Variants in KIF18A observed in about 807,000 individuals in gnomAD.
KIF18A encodes kinesin family member 18A.
In KIF18A, 67 loss-of-function variants were observed where a neutral mutation model predicts 103.3. That is an observed-to-expected ratio of 0.65 (90% CI 0.53 to 0.79). KIF18A has a LOEUF of 0.79. KIF18A is among the 30% of genes least tolerant of loss of function. The pLI, the probability that KIF18A is intolerant of heterozygous loss-of-function variation, is 0.00. For synonymous variants in KIF18A, 367 were observed against 355.5 expected, an observed-to-expected ratio of 1.03 and a Z score of -0.36; for missense variants, 1,032 against 1,062.5, an observed-to-expected ratio of 0.97 and a Z score of 0.40.
chr11:28,103,176 A>G (rs1851466555), intron 1 of KIF18A, among the ~76,000 whole-genome samples: 1 of 152,144 alleles, frequency 6.6e-6, no homozygotes, highest in Non-Finnish European at 1.5e-5. Flanking sequence ...ATTATTCATT[A>G]TAATCAGGTT....
intron 6 of KIF18A, among the ~76,000 whole-genome samples, chr11:28,087,491 T>G (rs914048488): frequency 6.6e-6 from 1 of 152,366 alleles, no homozygotes; most frequent in East Asian, 1.9e-4. Flanking sequence ...CTATCATTGA[T>G]GGGCATTTGG....
chr11:28,034,523 T>C (rs1850456216), intron 15 of KIF18A, among the ~76,000 whole-genome samples: 1 of 151,694 alleles, frequency 6.6e-6, no homozygotes, highest in African/African-American at 2.4e-5. Context: ...ACTCCAATTT[T>C]TCTGTGAAAG....
chr11:28,097,694 G>C lies in KIF18A; in HGVS notation c.254C>G (p.Thr85Ser). The change falls in exon 2 of 17, where the codon ACT (threonine) becomes AGT (serine). Residue 85 changes from threonine (T) to serine (S), a missense_variant. Transcript: ENST00000263181. ...VFDAVFDETS[T>S]QSEVFEHTTK... ...AGTGTGTTCAAAAACTTCTGACTGA[G>C]TTGACGTTTCATCAAAAACAGCATC... is the stretch of plus-strand genomic sequence containing the variant. 6.2e-7 allele frequency: 1 copy of C among 1,611,424 alleles called. No individual in the cohort carries two copies.
intron 15 of KIF18A, among the ~76,000 whole-genome samples, chr11:28,030,517 T>C (rs1160789623): frequency 1.3e-5 from 2 of 152,092 alleles, no homozygotes; most frequent in East Asian, 1.9e-4. Flanking sequence ...TTACACCTTA[T>C]ACAAAAATTA....
chr11:28,082,284 C>T (rs1387785902), intron 9 of KIF18A, among the ~76,000 whole-genome samples: 1 of 152,094 alleles, frequency 6.6e-6, no homozygotes, highest in African/African-American at 2.4e-5. Flanking sequence ...CAAAGAGCAT[C>T]ACACACTACA....
At chr11:28,050,430 T>C (rs922860781) in intron 13 of KIF18A, among the ~76,000 whole-genome samples, 6 of 151,876 alleles carry the variant, frequency 4.0e-5, no homozygotes, top group African/African-American at 1.4e-4. Context: ...ATATGAGAAA[T>C]TAGTATAGAG....
intron 11 of KIF18A, among the ~76,000 whole-genome samples, chr11:28,065,456 A>C (rs1398244327): frequency 2.6e-5 from 4 of 152,094 alleles, no homozygotes; most frequent in African/African-American, 9.6e-5. Flanking sequence ...AATCAATTCC[A>C]GGTTCACATT....
chr11:28,055,303 G>C (rs1050388397), intron 13 of KIF18A, among the ~76,000 whole-genome samples: 2 of 152,148 alleles, frequency 1.3e-5, no homozygotes, highest in Non-Finnish European at 2.9e-5. Flanking sequence ...GCAACTAAAA[G>C]TCTGGACAAA....
chr11:28,033,335 C>T (rs1004867437), intron 15 of KIF18A, among the ~76,000 whole-genome samples: 9 of 151,346 alleles, frequency 5.9e-5, no homozygotes, highest in Admixed American at 2.6e-4. Context: ...TGCTACCATA[C>T]GATCCAGCAA....
chr11:28,078,449 G>A, intron 9 of KIF18A, among the ~76,000 whole-genome samples: 1 of 151,984 alleles, frequency 6.6e-6, no homozygotes, highest in East Asian at 1.9e-4. Context: ...TCAATTTTGT[G>A]ATCTAGACTT....
At chr11:28,021,831 A>G (rs1850249724) in intron 16 of KIF18A, among the ~76,000 whole-genome samples, 1 of 152,062 alleles carries the variant, frequency 6.6e-6, no homozygotes, top group East Asian at 1.9e-4. Flanking sequence ...GTCATTTTCT[A>G]CTCAACAAAG....
chr11:28,032,525 A>G (rs1608872), intron 15 of KIF18A, among the ~76,000 whole-genome samples: 151,632 of 152,046 alleles, frequency 1, 75,610 homozygotes, highest in Middle Eastern at 1. Flanking sequence ...CAGACACACA[A>G]ACCAGTGGAA....
Position 28,097,611 on chromosome 11 carries a change from T to A in KIF18A, c.325+12A>T. 6.5e-7 allele frequency: 1 copy of A among 1,533,774 alleles called. No individual in the cohort carries two copies. The highest frequency in any genetic ancestry group is 1.7e-4 in the Middle Eastern group (1 of 5,900). ...CGGATAGAGAAATTAAATCCCAAAT[T>A]GAAACAAATACCTGTGCAATTATAT... On this transcript the variant is annotated intron_variant, in intron 2 of 16. Transcript: ENST00000263181.
In KIF18A at chr11:28,062,417, G is replaced by C. The variant is rs142238033; in HGVS notation, c.1690C>G (p.Gln564Glu). ...CACGCTTCAGTCTGCCTGTGTTGCT[G>C]TTCCTGAAGACAAGCTAGATCCATC... ...HMMDLACLQE[Q>E]QHRQTEAVLN... The change falls in exon 12 of 17, where the codon CAG (glutamine) becomes GAG (glutamate). Residue 564 changes from glutamine to glutamate, a missense_variant. Gln to Glu is a conservative substitution (Grantham distance 29). Coordinates refer to ENST00000263181, the MANE Select transcript of KIF18A (RefSeq NM_031217.4). 1.2e-6 allele frequency: 2 copies of C among 1,610,824 alleles called. No homozygotes were observed. Among genetic ancestry groups the C allele is most frequent in the African/African-American group, 2.7e-5 (2 of 74,722 alleles).
chr11:28,035,559 G>T, intron 14 of KIF18A, 65 bp from the exon 15 acceptor site: 1 of 889,296 alleles, frequency 1.1e-6, no homozygotes, highest in South Asian at 2.5e-5. Flanking sequence ...AGAAAAGGAA[G>T]CAAATGTGTC....
intron 15 of KIF18A, among the ~76,000 whole-genome samples, chr11:28,027,317 T>C (rs1038753583): frequency 1.3e-5 from 2 of 151,904 alleles, no homozygotes; most frequent in African/African-American, 2.4e-5. Context: ...CTTCTAGTCA[T>C]ATAACTCAAT....
At chr11:28,107,454 T>G in intron 1 of KIF18A, among the ~76,000 whole-genome samples, 1 of 152,152 alleles carries the variant, frequency 6.6e-6, no homozygotes, top group East Asian at 1.9e-4. Flanking sequence ...TAATTTCATC[T>G]GCAGAGCATT....
At chr11:28,031,295 A>G (rs935328142) in intron 15 of KIF18A, among the ~76,000 whole-genome samples, 4 of 152,200 alleles carry the variant, frequency 2.6e-5, no homozygotes, top group African/African-American at 9.6e-5. Context: ...ATGTCCATCA[A>G]TGATAGACTG....
chr11:28,078,071 T>C (rs1851118409), intron 9 of KIF18A, among the ~76,000 whole-genome samples: 1 of 152,136 alleles, frequency 6.6e-6, no homozygotes, highest in Non-Finnish European at 1.5e-5. Context: ...TAAACATTCA[T>C]AACAGTGAAG....
Sources: allele counts gnomAD v4.1 joint callset (sites outside exome capture counted in the v4.1 genomes callset), GRCh38; gene constraint gnomAD v4.1.1; transcripts MANE v1.5; gene names NCBI Gene and HGNC (gene_info 2026-07-23, HGNC 2026-07-21).